The following ARHGEF4 variants were observed in gnomAD, a reference collection of about 807,000 sequenced individuals.
ARHGEF4 encodes Rho guanine nucleotide exchange factor 4, also known as APC-stimulated guanine nucleotide exchange factor 1.
A neutral mutation model predicts 162.0 loss-of-function variants in ARHGEF4; 119 were observed. The observed-to-expected ratio is 0.73, with a 90% CI of 0.63 to 0.86. ARHGEF4 has a LOEUF of 0.86. Ranked by LOEUF, ARHGEF4 falls within the 40% of genes least tolerant of loss-of-function variation. The pLI is 0.00. For missense variants in ARHGEF4, 2,488 were observed against 2,456.0 expected (o/e 1.01, Z -0.28); for synonymous variants, 1,014 against 979.9 (o/e 1.03, Z -0.65).
At chr2:131,035,357 G>A in intron 5 of ARHGEF4, 5 of 1,078,702 alleles carry the variant, frequency 4.6e-6, no homozygotes, top group Non-Finnish European at 5.8e-6. Context: ...GCGGAGGGAA[G>A]GCCTCCTTCC....
intron 3 of ARHGEF4, among the ~76,000 whole-genome samples, chr2:130,932,190 C>T (rs1021071390): frequency 6.6e-6 from 1 of 152,246 alleles, no homozygotes; most frequent in East Asian, 1.9e-4. Context: ...TTTCACTTAG[C>T]GTCGTGTTTT....
Position 130,860,692 on chromosome 2 carries a change from AGAGC to A in ARHGEF4, c.39+23704_39+23707del, listed in dbSNP as rs1409914049. 1.5e-4 allele frequency among the ~76,000 whole-genome samples: 18 copies of A among 117,528 alleles called. No individual in the cohort carries two copies. In the South Asian group the frequency reaches 2.3e-3, roughly 15 times the overall value. The allele number at this position is 117,528 out of a possible 152,430, so 77.1% of individuals were successfully genotyped here. ...GTCACTGCACTCCAGCCTGGGCGAC[AGAGC>A]GAGACTCCATCTCAAAAAAATAAAA... On this transcript the variant is annotated intron_variant, in intron 1 of 13. Coordinates refer to ENST00000409359, the MANE Select transcript of ARHGEF4 (RefSeq NM_001367493.1).
chr2:130,946,510 G>A lies in ARHGEF4; in HGVS notation c.3860G>A (p.Cys1287Tyr), dbSNP rs1447896513. ...TCTGTCTCTTTCCTCCTCTTCCAGT[G>A]CTGGAGAAAGACGATCATTACCTCT... ...IGAVHKDGVKCWRKTIITSPE... is the reference protein window; with the variant it reads ...IGAVHKDGVKYWRKTIITSPE... Residue 1287 changes from cysteine (C) to tyrosine (Y), a missense_variant and splice_region_variant, in exon 4 of 14, where the codon TGC becomes TAC. Cys to Tyr is a radical substitution (Grantham distance 194). Coordinates refer to ENST00000409359, the MANE Select transcript of ARHGEF4 (RefSeq NM_001367493.1). The A allele has an allele frequency of 6.8e-6, 11 of 1,610,040 alleles. No individual in the cohort carries two copies. The highest frequency in any genetic ancestry group is 8.5e-6 in the Non-Finnish European group (10 of 1,177,852).
intron 4 of ARHGEF4, among the ~76,000 whole-genome samples, chr2:130,998,322 T>C (rs1393127452): frequency 6.6e-6 from 1 of 152,208 alleles, no homozygotes; most frequent in Non-Finnish European, 1.5e-5. Context: ...TCACCAGTTA[T>C]TAACATCTTG....
intron 1 of ARHGEF4, among the ~76,000 whole-genome samples, chr2:130,856,804 A>T (rs906013426): frequency 2.2e-5 from 3 of 134,674 alleles, no homozygotes; most frequent in African/African-American, 3.5e-5. Context: ...AAAGTATATT[A>T]AAAAAAAAGA....
intron 5 of ARHGEF4, among the ~76,000 whole-genome samples, chr2:131,031,852 C>T (rs1196012950): frequency 6.6e-6 from 1 of 152,194 alleles, no homozygotes; most frequent in Non-Finnish European, 1.5e-5. Flanking sequence ...GGCCTGAGGC[C>T]ACCCTAAGCC....
intron 4 of ARHGEF4, among the ~76,000 whole-genome samples, chr2:131,015,014 G>T (rs1688687498): frequency 1.3e-5 from 2 of 152,192 alleles, no homozygotes; most frequent in South Asian, 4.1e-4. Flanking sequence ...TGTGTGAGCT[G>T]CGGGGCCTAG....
At chr2:130,955,405 C>T (rs1684205532) in intron 4 of ARHGEF4, among the ~76,000 whole-genome samples, 1 of 152,192 alleles carries the variant, frequency 6.6e-6, no homozygotes, top group African/African-American at 2.4e-5. Context: ...ACTCTGAGAA[C>T]CGCTCCCCCA....
chr2:130,880,793 C>T (rs916501524), intron 1 of ARHGEF4, among the ~76,000 whole-genome samples: 4 of 152,062 alleles, frequency 2.6e-5, no homozygotes, highest in African/African-American at 9.7e-5. Context: ...CCTCAACCTC[C>T]CAAAGTGCTG....
chr2:131,005,471 T>C (rs2105320871), intron 4 of ARHGEF4, among the ~76,000 whole-genome samples: 1 of 152,286 alleles, frequency 6.6e-6, no homozygotes, highest in South Asian at 2.1e-4. Context: ...TCTCCTGACA[T>C]GGGAGACTGC....
intron 10 of ARHGEF4, 67 bp downstream of exon 10, chr2:131,042,011 C>T: frequency 6.4e-7 from 1 of 1,551,714 alleles, no homozygotes. Context: ...CATGCTTGCC[C>T]CTGAAAAATC....
intron 4 of ARHGEF4, among the ~76,000 whole-genome samples, chr2:130,960,896 A>G (rs1364495427): frequency 2.0e-5 from 3 of 152,174 alleles, no homozygotes; most frequent in Admixed American, 2.0e-4. Flanking sequence ...GACAGCTAGG[A>G]GCAGGAGACC....
rs183331067 is a variant in ARHGEF4, at chr2:131,011,072, G to A, written c.3986-16873G>A. On this transcript the variant is annotated intron_variant, in intron 4 of 13. Transcript: ENST00000409359. ...TGAATTCTGCTGCCATTTTCTCTCT[G>A]AGCTGGTAAAGCCTTTCCACACTGC... Among the ~76,000 whole-genome samples the A allele has an allele frequency of 4.6e-5, 7 of 152,330 alleles. No homozygotes were observed. The East Asian group carries it at 1.3e-3, about 29-fold the overall frequency.
At chr2:130,995,915 G>A (rs1434006189) in intron 4 of ARHGEF4, among the ~76,000 whole-genome samples, 3 of 145,686 alleles carry the variant, frequency 2.1e-5, no homozygotes, top group Non-Finnish European at 4.5e-5. Context: ...TTGAGACAGA[G>A]TCTTGCTGTG....
chr2:130,926,058 CTTTCTTTCTTTCTTTCTTTG>C (rs1559043928), intron 2 of ARHGEF4, among the ~76,000 whole-genome samples: 18 of 105,020 alleles, frequency 1.7e-4, no homozygotes, highest in African/African-American at 4.2e-4. Context: ...CTCTTTCTTT[CTTTCTTTCTTTCTTTCTTTG>C]GTCTGTTTTC....
chr2:130,894,554 G>GTT (rs751778733), intron 1 of ARHGEF4, among the ~76,000 whole-genome samples: 33 of 152,174 alleles, frequency 2.2e-4, no homozygotes, highest in Non-Finnish European at 3.8e-4. Flanking sequence ...GACTGGGGCA[G>GTT]GGAAGGGTGG....
chr2:130,944,139 C>T (rs1223630464), intron 3 of ARHGEF4, among the ~76,000 whole-genome samples: 1 of 152,158 alleles, frequency 6.6e-6, no homozygotes, highest in Non-Finnish European at 1.5e-5. Flanking sequence ...GAAAAATCTG[C>T]AGTCATGCAA....
At chr2:130,871,587 A>G (rs1678492724) in intron 1 of ARHGEF4, among the ~76,000 whole-genome samples, 1 of 128,400 alleles carries the variant, frequency 7.8e-6, no homozygotes, top group African/African-American at 3.9e-5. Context: ...ACATACATAT[A>G]TATATGCATA....
chr2:131,040,580 T>C (rs1249493472), intron 8 of ARHGEF4, 140 bp downstream of exon 8: 10 of 988,710 alleles, frequency 1.0e-5, no homozygotes. Flanking sequence ...TCTGCCCCGC[T>C]GCCCGCACCC....
Sources: allele counts gnomAD v4.1 joint callset (sites outside exome capture counted in the v4.1 genomes callset), GRCh38; gene constraint gnomAD v4.1.1; transcripts MANE v1.5; gene names NCBI Gene and HGNC (gene_info 2026-07-23, HGNC 2026-07-21).